Variants in SFMBT1 observed in about 807,000 individuals in gnomAD.
The protein encoded by SFMBT1 is scm-like with four MBT domains protein 1.
Under a neutral mutation model 108.7 loss-of-function variants are expected in SFMBT1, and 32 were observed. That is an observed-to-expected ratio of 0.29 (90% CI 0.22 to 0.40). SFMBT1 has a LOEUF of 0.40. Among genes scored for constraint, SFMBT1 ranks in the 10% least tolerant of loss-of-function variants. The pLI, the probability that SFMBT1 is intolerant of heterozygous loss-of-function variation, is 1.00. For synonymous variants in SFMBT1, 348 were observed against 369.5 expected (o/e 0.94, Z 0.67); for missense variants, 816 against 1,059.6 (o/e 0.77, Z 3.19).
rs1031796246 is a variant in SFMBT1 at position 52,973,595 on chromosome 3, G to A, written c.-130-4337C>T. 2.0e-5 allele frequency among the ~76,000 whole-genome samples: 3 copies of A among 152,204 alleles called. No individual in the cohort carries two copies. The South Asian group carries it at 6.2e-4, about 32-fold the overall frequency. ...TTTTTGAAAGACCTAAAAGTCATCT[G>A]AACAACAAATATGTTAGACAAAATT... is the stretch of plus-strand genomic sequence containing the variant. On this transcript the variant is annotated intron_variant, in intron 1 of 20. Transcript: ENST00000394752.
intron 1 of SFMBT1, among the ~76,000 whole-genome samples, chr3:52,998,134 G>A (rs1698404720): frequency 6.7e-6 from 1 of 150,314 alleles, no homozygotes; most frequent in Non-Finnish European, 1.5e-5. Flanking sequence ...ATGTAGATCA[G>A]GTCGGGCACG....
In SFMBT1 at chr3:52,947,117, T is replaced by C. The variant is rs1406236943; in HGVS notation, c.124-3524A>G. Among the ~76,000 whole-genome samples, 3 of 148,890 alleles carry C rather than the reference T, an allele frequency of 2.0e-5. No homozygotes were observed. The East Asian group carries it at 5.9e-4, about 29-fold the overall frequency. On this transcript the variant is annotated intron_variant, in intron 3 of 20. Transcript: ENST00000394752. ...AACATTTTTCTATTTTCAGTCTTTT[T>C]CACTTTTTTTTTTTTTTTGAGACAA...
chr3:53,036,794 T>C (rs918856787), intron 1 of SFMBT1, among the ~76,000 whole-genome samples: 2 of 152,146 alleles, frequency 1.3e-5, no homozygotes, highest in African/African-American at 4.8e-5. Context: ...ACCTGAATTC[T>C]CCTCCAAGGT....
intron 1 of SFMBT1, among the ~76,000 whole-genome samples, chr3:52,997,834 T>C (rs532851939): frequency 1.3e-5 from 2 of 150,578 alleles, no homozygotes; most frequent in African/African-American, 4.8e-5. Flanking sequence ...ATTACTAAAA[T>C]TCATCAAGTA....
At chr3:52,986,923 G>C (rs1026975573) in intron 1 of SFMBT1, among the ~76,000 whole-genome samples, 17 of 152,142 alleles carry the variant, frequency 1.1e-4, no homozygotes, top group Non-Finnish European at 2.4e-4. Flanking sequence ...CTGGGCGAAA[G>C]AGTGAGACTC....
intron 3 of SFMBT1, among the ~76,000 whole-genome samples, chr3:52,946,805 T>G (rs1479560161): frequency 6.7e-6 from 1 of 148,286 alleles, no homozygotes; most frequent in Non-Finnish European, 1.5e-5. Context: ...AGAGTCTTAC[T>G]CTGTCACCCA....
chr3:52,969,811 C>T (rs1348519697), intron 1 of SFMBT1, among the ~76,000 whole-genome samples: 1 of 151,978 alleles, frequency 6.6e-6, no homozygotes, highest in African/African-American at 2.4e-5. Context: ...TTTTAAAAAA[C>T]AGCTTTAGGG....
At chr3:52,950,181 C>T (rs913772345) in intron 3 of SFMBT1, among the ~76,000 whole-genome samples, 58 of 152,064 alleles carry the variant, frequency 3.8e-4, no homozygotes, top group African/African-American at 1.4e-3. Flanking sequence ...TCCATTTTGT[C>T]TTTCACTCTT....
intron 2 of SFMBT1, 22 bp downstream of exon 2, chr3:52,969,079 A>T: frequency 6.2e-7 from 1 of 1,613,762 alleles, no homozygotes; most frequent in Non-Finnish European, 8.5e-7. Context: ...TAGAGAATAA[A>T]TTCTGAGAAT....
intron 8 of SFMBT1, 89 bp from the exon 9 acceptor site, chr3:52,928,430 C>A: frequency 7.2e-7 from 1 of 1,379,796 alleles, no homozygotes; most frequent in African/African-American, 1.4e-5. Context: ...TACAAAAGTT[C>A]ATACTCATGT....
At chr3:52,971,604 T>C (rs1468025922) in intron 1 of SFMBT1, among the ~76,000 whole-genome samples, 1 of 152,188 alleles carries the variant, frequency 6.6e-6, no homozygotes, top group Non-Finnish European at 1.5e-5. Flanking sequence ...TGGGGTAAAG[T>C]AATCAAGAGA....
At chr3:52,971,186 C>T (rs1363718853) in intron 1 of SFMBT1, among the ~76,000 whole-genome samples, 1 of 151,850 alleles carries the variant, frequency 6.6e-6, no homozygotes, top group Non-Finnish European at 1.5e-5. Flanking sequence ...GTTCTAGTGC[C>T]AGCTCTACTG....
chr3:52,907,811 C>A, intron 17 of SFMBT1, 78 bp from the exon 18 acceptor site: 1 of 1,340,358 alleles, frequency 7.5e-7, no homozygotes, highest in Non-Finnish European at 1.0e-6. Flanking sequence ...ATTTTATTAG[C>A]ATAGCAAAAA....
In SFMBT1 at chr3:52,969,223, C is replaced by G; in HGVS notation, c.-95G>C. 2 of 1,589,330 alleles carry G rather than the reference C, an allele frequency of 1.3e-6. No homozygotes were observed. The highest frequency in any genetic ancestry group is 1.1e-5 in the South Asian group (1 of 87,094). On this transcript the variant is annotated 5_prime_UTR_variant, in exon 2 of 21. Transcript: ENST00000394752. ...AAGATTACTTGCAGGTTTCAAGCAT[C>G]TGTTCAATGGGTATCCACGGGTCCA... is the stretch of plus-strand genomic sequence containing the variant.
At chr3:52,922,872 G>A (rs2106782333) in intron 10 of SFMBT1, among the ~76,000 whole-genome samples, 1 of 152,296 alleles carries the variant, frequency 6.6e-6, no homozygotes, top group East Asian at 1.9e-4. Flanking sequence ...GGACTGCTGA[G>A]AGGCCCAGCC....
rs202076158 is a variant in SFMBT1, at chr3:52,920,527, A to G, written c.1372+10T>C. The G allele has an allele frequency of 1.6e-5, 25 of 1,601,248 alleles. No homozygotes were observed. In the East Asian group the frequency reaches 5.6e-4, roughly 36 times the overall value. On this transcript the variant is annotated intron_variant, in intron 12 of 20. Transcript: ENST00000394752. The stretch of plus-strand genomic sequence containing the variant: ...ACAATCAATCCTCTAACCCAGAAAT[A>G]GACAGATACCTCGTGCTCGGCGAGG...
At chr3:52,998,421 G>C (rs978881806) in intron 1 of SFMBT1, among the ~76,000 whole-genome samples, 4 of 150,182 alleles carry the variant, frequency 2.7e-5, no homozygotes, top group Admixed American at 6.7e-5. Flanking sequence ...AAAAAATGTA[G>C]ATCAATAATA....
intron 1 of SFMBT1, among the ~76,000 whole-genome samples, chr3:52,979,108 C>A (rs2106875095): frequency 6.6e-6 from 1 of 151,958 alleles, no homozygotes; most frequent in African/African-American, 2.4e-5. Context: ...TGAAATATAT[C>A]TCAGTAAAAC....
intron 4 of SFMBT1, among the ~76,000 whole-genome samples, chr3:52,939,391 T>C (rs992674976): frequency 6.6e-6 from 1 of 152,260 alleles, no homozygotes; most frequent in African/African-American, 2.4e-5. Context: ...CTGGCCAACA[T>C]GGTGAAACCC....
Sources: allele counts gnomAD v4.1 joint callset (sites outside exome capture counted in the v4.1 genomes callset), GRCh38; gene constraint gnomAD v4.1.1; transcripts MANE v1.5; gene names NCBI Gene and HGNC (gene_info 2026-07-23, HGNC 2026-07-21).